The following METTL24 variants were observed in gnomAD, a reference collection of about 807,000 sequenced individuals.
METTL24 encodes methyltransferase like 24, also known as probable methyltransferase-like protein 24.
A neutral mutation model predicts 32.7 loss-of-function variants in METTL24; 29 were observed. The ratio of observed to expected loss-of-function variants is 0.89; its 90% confidence interval spans 0.66 to 1.21. METTL24 has a LOEUF of 1.21. Ranked by LOEUF, METTL24 falls within the 50% of genes most tolerant of loss-of-function variation. The pLI, the probability that METTL24 is intolerant of heterozygous loss-of-function variation, is 0.00. For synonymous variants in METTL24, 163 were observed against 179.5 expected, an observed-to-expected ratio of 0.91 and a Z score of 0.73; for missense variants, 439 against 468.1, an observed-to-expected ratio of 0.94 and a Z score of 0.57.
Position 110,245,675 on chromosome 6 carries a change from A to C in METTL24, c.*271T>G, listed in dbSNP as rs1195344886. Among the ~76,000 whole-genome samples, 1 of 152,226 alleles carries C rather than the reference A, an allele frequency of 6.6e-6. No homozygotes were observed. Among genetic ancestry groups the C allele is most frequent in the Non-Finnish European group, 1.5e-5 (1 of 68,038 alleles). On this transcript the variant is annotated 3_prime_UTR_variant, in exon 5 of 5. Coordinates refer to ENST00000338882, the MANE Select transcript of METTL24 (RefSeq NM_001123364.3). ...AGATTATAGATACATAGAGAATTTTAGGGAAAACTGTGATGAGCTGGGGAT... is the reference window on the plus strand; with the variant it reads ...AGATTATAGATACATAGAGAATTTTCGGGAAAACTGTGATGAGCTGGGGAT...
chr6:110,272,910 G>GGGTT (rs1224858859), intron 4 of METTL24, among the ~76,000 whole-genome samples: 1 of 152,044 alleles, frequency 6.6e-6, no homozygotes, highest in Non-Finnish European at 1.5e-5. Flanking sequence ...CCCACTCTGT[G>GGGTT]GGTTGTCTGT....
At chr6:110,330,518 A>G (rs978461865) in intron 1 of METTL24, among the ~76,000 whole-genome samples, 20 of 152,188 alleles carry the variant, frequency 1.3e-4, no homozygotes, top group Non-Finnish European at 2.8e-4. Context: ...ACGGATTTGT[A>G]AAGCACCTGG....
At chr6:110,312,172 A>G (rs1771735378) in intron 3 of METTL24, among the ~76,000 whole-genome samples, 1 of 152,234 alleles carries the variant, frequency 6.6e-6, no homozygotes, top group African/African-American at 2.4e-5. Flanking sequence ...CCCAGTTAGA[A>G]TGGCTATTAT....
intron 1 of METTL24, among the ~76,000 whole-genome samples, chr6:110,351,510 C>T (rs184918937): frequency 5.0e-4 from 76 of 152,240 alleles, no homozygotes; most frequent in African/African-American, 1.8e-3. Flanking sequence ...ACCAAAGCTA[C>T]CCTATACTCT....
chr6:110,301,232 T>A (rs9487355), intron 3 of METTL24, among the ~76,000 whole-genome samples: 35,646 of 151,976 alleles, frequency 0.23, 6,787 homozygotes, highest in African/African-American at 0.53. Flanking sequence ...CACCTAACAG[T>A]TCCTATTCCC....
chr6:110,253,278 C>T (rs1003940508), intron 4 of METTL24, among the ~76,000 whole-genome samples: 1 of 152,182 alleles, frequency 6.6e-6, no homozygotes, highest in Non-Finnish European at 1.5e-5. Flanking sequence ...AAGCCTTCAA[C>T]TGGCTTCAAC....
intron 1 of METTL24, among the ~76,000 whole-genome samples, chr6:110,330,879 T>C (rs1437811860): frequency 6.6e-6 from 1 of 152,210 alleles, no homozygotes; most frequent in East Asian, 1.9e-4. Flanking sequence ...AGTCCCAAAC[T>C]ACTAAGCATA....
At chr6:110,332,058 G>A (rs1350767459) in intron 1 of METTL24, among the ~76,000 whole-genome samples, 1 of 152,152 alleles carries the variant, frequency 6.6e-6, no homozygotes, top group African/African-American at 2.4e-5. Context: ...CCAATCTGCC[G>A]CCTCTGCAGC....
intron 4 of METTL24, among the ~76,000 whole-genome samples, chr6:110,293,386 T>G (rs1771354636): frequency 6.6e-6 from 1 of 152,048 alleles, no homozygotes; most frequent in Non-Finnish European, 1.5e-5. Flanking sequence ...TAACTGGTTT[T>G]TATTCACAAA....
At chr6:110,315,837 C>T (rs980989608) in intron 2 of METTL24, among the ~76,000 whole-genome samples, 3 of 152,044 alleles carry the variant, frequency 2.0e-5, no homozygotes, top group Non-Finnish European at 4.4e-5. Flanking sequence ...GAGGATGAAC[C>T]GAGAGGCTTG....
chr6:110,345,868 A>G (rs878896809), intron 1 of METTL24, among the ~76,000 whole-genome samples: 2 of 152,196 alleles, frequency 1.3e-5, no homozygotes, highest in Non-Finnish European at 2.9e-5. Context: ...AATCTGTACA[A>G]CAAGCCCCCA....
intron 4 of METTL24, among the ~76,000 whole-genome samples, chr6:110,259,651 A>G (rs907897670): frequency 6.6e-5 from 10 of 152,206 alleles, no homozygotes; most frequent in Non-Finnish European, 1.3e-4. Flanking sequence ...GAGATCTGAG[A>G]ACGGACAGAC....
At chr6:110,252,112 C>T (rs2114691797) in intron 4 of METTL24, among the ~76,000 whole-genome samples, 2 of 152,266 alleles carry the variant, frequency 1.3e-5, no homozygotes, top group East Asian at 3.9e-4. Context: ...CCATGATACT[C>T]CAGCCTGGGA....
Position 110,259,461 on chromosome 6 carries a change from C to T in METTL24, c.787-13201G>A, listed in dbSNP as rs558835136. 1.7e-3 allele frequency among the ~76,000 whole-genome samples: 263 copies of T among 152,324 alleles called. 1 individual carries two copies. Among genetic ancestry groups the T allele is most frequent in the African/African-American group, 5.1e-3 (214 of 41,574 alleles). On this transcript the variant is annotated intron_variant, in intron 4 of 4. Coordinates refer to ENST00000338882, the MANE Select transcript of METTL24 (RefSeq NM_001123364.3). Reference sequence around the variant, plus strand: ...CCGAAGCTTGAGTAGGTAAACAAAGCGGCCAGGAAGCTTGAACTGGGTGGA... The same window carrying T: ...CCGAAGCTTGAGTAGGTAAACAAAGTGGCCAGGAAGCTTGAACTGGGTGGA...
rs1268218029 is a variant in METTL24 at position 110,358,302 on chromosome 6, G to C, written c.-30C>G. 1 of 1,413,390 alleles carries C rather than the reference G, an allele frequency of 7.1e-7. No individual in the cohort carries two copies. The allele number at this position is 1,413,390 out of a possible 1,614,324, so 87.6% of individuals were successfully genotyped here. On this transcript the variant is annotated 5_prime_UTR_variant, in exon 1 of 5. Coordinates refer to ENST00000338882, the MANE Select transcript of METTL24 (RefSeq NM_001123364.3). ...CTACACTCGGGGTCCCGCGGGCCGC[G>C]CCTGGCCGGCAGCAGGGATGTAGCC...
At chr6:110,263,443 A>G (rs1187670375) in intron 4 of METTL24, among the ~76,000 whole-genome samples, 3 of 152,212 alleles carry the variant, frequency 2.0e-5, no homozygotes, top group Non-Finnish European at 2.9e-5. Context: ...AAGGAGAACT[A>G]CAAGCCACTG....
intron 1 of METTL24, among the ~76,000 whole-genome samples, chr6:110,335,563 A>ATTTTTTTT (rs1562241070): frequency 8.8e-6 from 1 of 113,634 alleles, no homozygotes; most frequent in African/African-American, 3.6e-5. Context: ...GTAGGGAATC[A>ATTTTTTTT]TTGTTTTTTT....
intron 1 of METTL24, among the ~76,000 whole-genome samples, chr6:110,323,459 G>A (rs769532360): frequency 1.1e-4 from 17 of 152,126 alleles, no homozygotes; most frequent in Non-Finnish European, 2.2e-4. Flanking sequence ...TTCTAGCACT[G>A]TGAGGCAGCC....
intron 1 of METTL24, among the ~76,000 whole-genome samples, chr6:110,345,468 C>A (rs559272549): frequency 6.6e-6 from 1 of 152,214 alleles, no homozygotes; most frequent in Non-Finnish European, 1.5e-5. Flanking sequence ...CATAAAGACA[C>A]ATGCACATGA....
Sources: gnomAD v4.1 joint callset for allele counts (sites outside exome capture counted in the v4.1 genomes callset) on GRCh38, gnomAD v4.1.1 for gene constraint, MANE v1.5 for transcripts, NCBI Gene and HGNC (gene_info 2026-07-23, HGNC 2026-07-21) for gene names.